The following IGLON5 variants were observed in gnomAD, a reference collection of about 807,000 sequenced individuals.
The protein encoded by IGLON5 is IgLON family member 5.
In IGLON5, 16 loss-of-function variants were observed where a neutral mutation model predicts 38.2. The ratio of observed to expected loss-of-function variants is 0.42; its 90% CI spans 0.28 to 0.64. The LOEUF (loss-of-function observed/expected upper bound fraction) is 0.64, where lower values mean the gene tolerates loss of function less well. Among genes scored for constraint, IGLON5 ranks in the 30% least tolerant of loss-of-function variants. IGLON5 has a pLI of 0.23. For synonymous variants in IGLON5, 207 were observed against 216.4 expected (o/e 0.96, Z 0.38); for missense variants, 366 against 483.4 (o/e 0.76, Z 2.28).
At chr19:51,323,926 A>T in intron 3 of IGLON5, 32 bp downstream of exon 3, 1 of 1,486,184 alleles carries the variant, frequency 6.7e-7, no homozygotes, top group Non-Finnish European at 9.3e-7. Context: ...GGCTGGGTGG[A>T]GGGGTTGAGA....
In IGLON5 at chr19:51,329,590, T is replaced by C. The variant is rs1985301135; in HGVS notation, c.*831T>C. On this transcript the variant is annotated 3_prime_UTR_variant, in exon 8 of 8. Coordinates refer to ENST00000270642, the MANE Select transcript of IGLON5 (RefSeq NM_001101372.3). This position sits in a 1 kb window ranked among gnomAD's most constrained non-coding sequence, Gnocchi z 4.3. ...TGCTTCCATCCAACTGTCAGACTGG[T>C]GGCAGGAGTCACCTGTCTGTTTCAG... 6.6e-6 allele frequency: 1 copy of C among 152,222 alleles called. No homozygotes were observed. The highest frequency in any genetic ancestry group is 2.4e-5 in the African/African-American group (1 of 41,432). 9.4% of individuals were successfully genotyped at this position (152,222 alleles called of 1,614,324 possible). A position where few individuals can be genotyped will look rare whatever the true frequency, so the allele number is the denominator to read the frequency against.
chr19:51,323,394 T>A (rs527816998), intron 2 of IGLON5, among the ~76,000 whole-genome samples: 1 of 152,300 alleles, frequency 6.6e-6, no homozygotes, highest in South Asian at 2.1e-4. Context: ...CTCTCCCAGA[T>A]TCTCTGTTCT....
intron 1 of IGLON5, 105 bp downstream of exon 1, chr19:51,312,031 G>A (rs1337944531): frequency 1.2e-5 from 7 of 563,558 alleles, no homozygotes; most frequent in African/African-American, 2.0e-5. Flanking sequence ...CTGGGCCGGC[G>A]CGGGGAGGCC....
rs1985199805 is a variant in IGLON5, at chr19:51,325,723, T to G, written c.511+258T>G. Among the ~76,000 whole-genome samples, 1 of 151,952 alleles carries G rather than the reference T, an allele frequency of 6.6e-6. No homozygotes were observed. The highest frequency in any genetic ancestry group is 2.4e-5 in the African/African-American group (1 of 41,342). On this transcript the variant is annotated intron_variant, in intron 4 of 7. Coordinates refer to ENST00000270642, the MANE Select transcript of IGLON5 (RefSeq NM_001101372.3). The surrounding 1 kb of genome is among the most constrained non-coding windows in gnomAD (Gnocchi z 5.5). ...TTGCCAAACCCCAGCCTGCGTCACT[T>G]CCCCAACCCCAGTGTCCCCGATGTC...
intron 1 of IGLON5, among the ~76,000 whole-genome samples, chr19:51,313,836 C>T (rs1984844285): frequency 6.6e-6 from 1 of 151,888 alleles, no homozygotes; most frequent in South Asian, 2.1e-4. Context: ...ATCCTGCCAC[C>T]TCAGCCTCTG....
At chr19:51,319,205 T>C (rs553749703) in intron 1 of IGLON5, among the ~76,000 whole-genome samples, 2 of 152,314 alleles carry the variant, frequency 1.3e-5, no homozygotes, top group Admixed American at 1.3e-4. Context: ...GGAAGGGATC[T>C]TGGTGCGTAC....
intron 1 of IGLON5, among the ~76,000 whole-genome samples, chr19:51,321,189 C>T (rs112091384): frequency 0.041 from 6,202 of 152,104 alleles, 370 homozygotes; most frequent in African/African-American, 0.13. Flanking sequence ...TGTTGGGGTT[C>T]TTTTTGAGAC....
chr19:51,316,047 A>C (rs1984913871), intron 1 of IGLON5, among the ~76,000 whole-genome samples: 1 of 151,456 alleles, frequency 6.6e-6, no homozygotes, highest in Admixed American at 6.6e-5. Context: ...AGGTGGGACC[A>C]ACAGAAAGGA....
chr19:51,322,137 C>G lies in IGLON5; in HGVS notation c.153C>G (p.Thr51=). Residue 51 remains threonine, a synonymous_variant, in exon 2 of 8, where the codon ACC becomes ACG. Coordinates refer to ENST00000270642, the MANE Select transcript of IGLON5 (RefSeq NM_001101372.3). ...NYTVCEGDNA[T]LSCFIDEHVT... is the part of the protein sequence containing the mutation. ...CAGTGTGTGAAGGTGACAACGCCAC[C>G]CTCAGGTACCTCCCTCGGTGGGTGG... 1 of 1,610,954 alleles carries G rather than the reference C, an allele frequency of 6.2e-7. No homozygotes were observed.
Position 51,326,903 on chromosome 19 carries a change from G to T in IGLON5, c.646+5G>T. ...GCGTGCTGGTCACAGTCAACTGTGAGCCCCCCTGGCACTGGGCACGAAAGG... is the reference window on the plus strand; with the variant it reads ...GCGTGCTGGTCACAGTCAACTGTGATCCCCCCTGGCACTGGGCACGAAAGG... On this transcript the variant is annotated splice_donor_5th_base_variant and intron_variant, in intron 5 of 7. Transcript: ENST00000270642. 6.4e-7 allele frequency: 1 copy of T among 1,569,320 alleles called. No homozygotes were observed.
chr19:51,323,514 C>G (rs1298825976), intron 2 of IGLON5, 148 bp from the exon 3 acceptor site: 1 of 654,786 alleles, frequency 1.5e-6, no homozygotes, highest in Non-Finnish European at 2.7e-6. Context: ...TTACCCCCAG[C>G]TGTATGGTGG....
At chr19:51,322,855 T>A (rs11879401) in intron 2 of IGLON5, among the ~76,000 whole-genome samples, 30 of 149,916 alleles carry the variant, frequency 2.0e-4, no homozygotes, top group Admixed American at 7.3e-4. Flanking sequence ...CCTCTCTCTC[T>A]GGGTCTCTGT....
rs1985136963 is a variant in IGLON5, at chr19:51,323,675, G to A, written c.172G>A (p.Glu58Lys). 8 of 1,608,364 alleles carry A rather than the reference G, an allele frequency of 5.0e-6. No homozygotes were observed. The highest frequency in any genetic ancestry group is 4.3e-6 in the Non-Finnish European group (5 of 1,175,422). The stretch of plus-strand genomic sequence containing the variant: ...TTCTCCCTGCAGCTGCTTCATCGAC[G>A]AGCACGTGACCCGCGTGGCCTGGCT... ...DNATLSCFID[E>K]HVTRVAWLNR... The change falls in exon 3 of 8, where the codon GAG becomes AAG. Residue 58 changes from glutamate (E) to lysine (K), a missense_variant. Transcript: ENST00000270642.
intron 2 of IGLON5, among the ~76,000 whole-genome samples, chr19:51,323,113 G>T (rs775158708): frequency 1.7e-4 from 25 of 146,836 alleles, no homozygotes; most frequent in Non-Finnish European, 3.1e-4. Flanking sequence ...CCTCTCTCTG[G>T]GTCTCTGCCC....
At chr19:51,321,611 CAT>C (rs1985057785) in intron 1 of IGLON5, among the ~76,000 whole-genome samples, 1 of 152,128 alleles carries the variant, frequency 6.6e-6, no homozygotes, top group Non-Finnish European at 1.5e-5. Context: ...CTTATGTGTA[CAT>C]GTGTCTGCAT....
At chr19:51,312,624 G>T (rs887001680) in intron 1 of IGLON5, among the ~76,000 whole-genome samples, 1 of 152,134 alleles carries the variant, frequency 6.6e-6, no homozygotes, top group Admixed American at 6.5e-5. Flanking sequence ...CTGGGCTGGG[G>T]TCTTGGATTC....
At chr19:51,328,037 C>G (rs1308875637) in intron 7 of IGLON5, among the ~76,000 whole-genome samples, 151 bp downstream of exon 7, 1 of 152,164 alleles carries the variant, frequency 6.6e-6, no homozygotes, top group African/African-American at 2.4e-5. Flanking sequence ...GAAACCGATC[C>G]ACGCAATCAA....
chr19:51,316,498 C>CTTTTTTTTTTTTTTTTTTTTTTTTTTTTT (rs542147400), intron 1 of IGLON5, among the ~76,000 whole-genome samples: 2 of 136,096 alleles, frequency 1.5e-5, no homozygotes, highest in Non-Finnish European at 3.2e-5. Flanking sequence ...CTTTTCTTTT[C>CTTTTTTTTTTTTTTTTTTTTTTTTTTTTT]TTTTTTTTTT....
At chr19:51,321,522 G>A (rs1006700487) in intron 1 of IGLON5, among the ~76,000 whole-genome samples, 2 of 152,002 alleles carry the variant, frequency 1.3e-5, no homozygotes, top group Non-Finnish European at 2.9e-5. Context: ...TATGTGTGTC[G>A]CTGTACTCTG....
Sources: gnomAD v4.1 joint callset for allele counts (sites outside exome capture counted in the v4.1 genomes callset) on GRCh38, gnomAD v4.1.1 for gene constraint, Gnocchi (gnomAD v3.1) non-coding constraint, MANE v1.5 for transcripts, NCBI Gene and HGNC (gene_info 2026-07-23, HGNC 2026-07-21) for gene names.